ROBO1: variants seen among roughly 807,000 people sequenced by gnomAD.
ROBO1 encodes the protein roundabout guidance receptor 1, also known as roundabout homolog 1.
ROBO1 carries 149 observed loss-of-function variants against 195.9 expected under a neutral mutation model. That is an observed-to-expected ratio of 0.76 (90% CI 0.67 to 0.87). The LOEUF (loss-of-function observed/expected upper bound fraction) is 0.87, where lower values mean the gene tolerates loss of function less well. Among genes scored for constraint, ROBO1 ranks in the 40% least tolerant of loss-of-function variants. The pLI is 0.00. For missense variants in ROBO1, 1,933 were observed against 2,068.3 expected (o/e 0.93, Z 1.27); for synonymous variants, 816 against 733.2 (o/e 1.11, Z -1.82).
chr3:78,882,153 A>G (rs9849586), intron 4 of ROBO1, among the ~76,000 whole-genome samples: 6,735 of 152,198 alleles, frequency 0.044, 451 homozygotes, highest in African/African-American at 0.14. Context: ...ACAGTTTTAT[A>G]TATTTAAAAA....
At chr3:78,844,347 T>G (rs2033504495) in intron 4 of ROBO1, among the ~76,000 whole-genome samples, 1 of 152,134 alleles carries the variant, frequency 6.6e-6, no homozygotes, top group Non-Finnish European at 1.5e-5. Context: ...AATTATTTTT[T>G]TAACCTCCTT....
intron 3 of ROBO1, among the ~76,000 whole-genome samples, chr3:79,046,971 C>T (rs766046180): frequency 5.3e-5 from 8 of 152,070 alleles, no homozygotes; most frequent in East Asian, 3.9e-4. Context: ...ATACAGAGTT[C>T]GGCATCTAGA....
intron 3 of ROBO1, among the ~76,000 whole-genome samples, chr3:79,058,097 C>G (rs1449713976): frequency 1.3e-5 from 2 of 151,956 alleles, no homozygotes; most frequent in Admixed American, 1.3e-4. Context: ...GGAGATACCC[C>G]ACACTTTCAA....
intron 3 of ROBO1, among the ~76,000 whole-genome samples, chr3:78,963,426 G>T (rs1157284458): frequency 7.5e-6 from 1 of 132,714 alleles, no homozygotes; most frequent in African/African-American, 2.8e-5. Context: ...TCTGAAATTT[G>T]TTGGAGTTTT....
chr3:79,047,381 AG>A (rs1162727716), intron 3 of ROBO1, among the ~76,000 whole-genome samples: 4 of 152,230 alleles, frequency 2.6e-5, no homozygotes, highest in Admixed American at 2.0e-4. Context: ...TTAAAAAAAA[AG>A]TGCCAAGACT....
intron 2 of ROBO1, among the ~76,000 whole-genome samples, chr3:79,342,507 A>G (rs1467724070): frequency 1.3e-5 from 2 of 152,188 alleles, no homozygotes; most frequent in African/African-American, 2.4e-5. Flanking sequence ...TCTGTACTAC[A>G]TATCAAAATT....
At chr3:79,706,664 G>A (rs559413863) in intron 1 of ROBO1, among the ~76,000 whole-genome samples, 11 of 151,942 alleles carry the variant, frequency 7.2e-5, no homozygotes, top group Non-Finnish European at 1.5e-4. Flanking sequence ...TTATGGGGGC[G>A]GGGGTAGTTT....
chr3:79,282,459 A>G (rs1352467306), intron 2 of ROBO1, among the ~76,000 whole-genome samples: 3 of 152,240 alleles, frequency 2.0e-5, no homozygotes, highest in Admixed American at 1.3e-4. Flanking sequence ...ATGTCTAAGC[A>G]AGACTTGACA....
At chr3:79,244,736 A>T in intron 2 of ROBO1, among the ~76,000 whole-genome samples, 1 of 152,122 alleles carries the variant, frequency 6.6e-6, no homozygotes, top group East Asian at 1.9e-4. Context: ...CTTGGGTTTA[A>T]AAATGATTCC....
intron 2 of ROBO1, among the ~76,000 whole-genome samples, chr3:79,397,245 A>G (rs970901583): frequency 3.3e-5 from 5 of 150,716 alleles, no homozygotes; most frequent in African/African-American, 1.2e-4. Flanking sequence ...ATAATCATAT[A>G]TATTTAATAA....
intron 4 of ROBO1, among the ~76,000 whole-genome samples, chr3:78,882,685 C>CCA (rs1264272822): frequency 3.3e-5 from 5 of 152,256 alleles, no homozygotes; most frequent in Admixed American, 3.3e-4. Context: ...TCCTTTGCCT[C>CCA]CAGGTATCCC....
intron 2 of ROBO1, among the ~76,000 whole-genome samples, chr3:79,545,691 A>T (rs1942238208): frequency 1.3e-5 from 2 of 150,438 alleles, no homozygotes; most frequent in African/African-American, 4.9e-5. Flanking sequence ...AAGATTCGAG[A>T]TGGTAGGTAG....
At chr3:79,128,609 C>G (rs2080261681) in intron 2 of ROBO1, among the ~76,000 whole-genome samples, 1 of 152,030 alleles carries the variant, frequency 6.6e-6, no homozygotes, top group Admixed American at 6.6e-5. Flanking sequence ...CAAATCCATA[C>G]AAACCAATAA....
At chr3:79,022,412 C>T (rs750601030) in intron 3 of ROBO1, among the ~76,000 whole-genome samples, 17 of 152,148 alleles carry the variant, frequency 1.1e-4, no homozygotes, top group Non-Finnish European at 2.2e-4. Flanking sequence ...AAACAAAGTG[C>T]CATTCAGGTT....
chr3:78,943,231 A>C (rs2040237144), intron 3 of ROBO1, among the ~76,000 whole-genome samples: 1 of 152,188 alleles, frequency 6.6e-6, no homozygotes, highest in African/African-American at 2.4e-5. Flanking sequence ...AAACAAAGAA[A>C]GGTTTTTGTT....
rs543881227 is a variant in ROBO1 at position 79,525,902 on chromosome 3, G to A, written c.88+63922C>T. Among the ~76,000 whole-genome samples the A allele has an allele frequency of 7.1e-4, 108 of 152,038 alleles. 1 individual carries two copies. The highest frequency in any genetic ancestry group is 2.3e-3 in the African/African-American group (97 of 41,476). Reference sequence around the variant, plus strand: ...TGGGATTACAGGCATGAGCCTCAGCGCCTGACCCCAAAACTCTACACTTAT... The same window carrying A: ...TGGGATTACAGGCATGAGCCTCAGCACCTGACCCCAAAACTCTACACTTAT... On this transcript the variant is annotated intron_variant, in intron 2 of 30. Transcript: ENST00000464233.
chr3:78,695,625 C>CAA lies in ROBO1; in HGVS notation c.1046-6855_1046-6854dup, dbSNP rs1172592248. Among the ~76,000 whole-genome samples the CAA allele has an allele frequency of 3.2e-3, 174 of 54,454 alleles. 1 individual carries two copies. The highest frequency in any genetic ancestry group is 0.012 in the African/African-American group (162 of 13,820). The allele number at this position is 54,454 out of a possible 152,430, so 35.7% of individuals were successfully genotyped here. On this transcript the variant is annotated intron_variant, in intron 8 of 30. Transcript: ENST00000464233. Reference sequence around the variant, plus strand: ...GGCCAACAGAGCAAGACTCTTGTCTCAAAAAAAAAAAAAAAAAAGAAAAGA... The same window carrying CAA: ...GGCCAACAGAGCAAGACTCTTGTCTCAAAAAAAAAAAAAAAAAAAAGAAAAGA...
At chr3:79,207,968 A>G (rs1347680744) in intron 2 of ROBO1, among the ~76,000 whole-genome samples, 1 of 152,124 alleles carries the variant, frequency 6.6e-6, no homozygotes, top group Non-Finnish European at 1.5e-5. Flanking sequence ...AATATCTGAC[A>G]TATTTTTCGG....
intron 5 of ROBO1, among the ~76,000 whole-genome samples, chr3:78,733,811 C>T (rs1464743466): frequency 6.6e-6 from 1 of 152,092 alleles, no homozygotes; most frequent in Non-Finnish European, 1.5e-5. Context: ...ATGGCCTGAT[C>T]AGATATATCA....
Sources: gnomAD v4.1 joint callset for allele counts (sites outside exome capture counted in the v4.1 genomes callset) on GRCh38, gnomAD v4.1.1 for gene constraint, MANE v1.5 for transcripts, NCBI Gene and HGNC (gene_info 2026-07-23, HGNC 2026-07-21) for gene names.